CBLN2: variants seen among roughly 807,000 people sequenced by gnomAD.
CBLN2 encodes the protein cerebellin 2 precursor.
A neutral mutation model predicts 15.0 loss-of-function variants in CBLN2; 7 were observed. The ratio of observed to expected loss-of-function variants is 0.47; its 90% confidence interval spans 0.27 to 0.88. The LOEUF (loss-of-function observed/expected upper bound fraction) is 0.88. Among genes scored for constraint, CBLN2 ranks in the 40% least tolerant of loss-of-function variants. The pLI is 0.14. For missense variants in CBLN2, 242 were observed against 304.5 expected, an observed-to-expected ratio of 0.79 and a Z score of 1.53; for synonymous variants, 149 against 135.2, an observed-to-expected ratio of 1.10 and a Z score of -0.71.
At chr18:72,611,489 A>G (rs1433306860) in intron 1 of CBLN2, among the ~76,000 whole-genome samples, 5 of 152,186 alleles carry the variant, frequency 3.3e-5, no homozygotes, top group African/African-American at 1.2e-4. Context: ...CATTTCTGCA[A>G]TGATTAGTGA....
chr18:72,635,598 T>A (rs1476046042), intron 1 of CBLN2, among the ~76,000 whole-genome samples: 1 of 152,180 alleles, frequency 6.6e-6, no homozygotes, highest in East Asian at 1.9e-4. Flanking sequence ...AACATTAACC[T>A]TTTAAGAAAA....
At chr18:72,628,429 A>G (rs1386061765) in intron 1 of CBLN2, among the ~76,000 whole-genome samples, 2 of 152,234 alleles carry the variant, frequency 1.3e-5, no homozygotes, top group Non-Finnish European at 2.9e-5. Flanking sequence ...CTGAGCTGTC[A>G]TTCAGGACCA....
intron 1 of CBLN2, among the ~76,000 whole-genome samples, chr18:72,562,060 T>C (rs1443014410): frequency 6.6e-6 from 1 of 152,220 alleles, no homozygotes; most frequent in African/African-American, 2.4e-5. Context: ...AATTTATTGT[T>C]TTATGTGTCT....
intron 1 of CBLN2, among the ~76,000 whole-genome samples, chr18:72,556,438 G>A (rs1423668278): frequency 6.6e-6 from 1 of 152,044 alleles, no homozygotes; most frequent in African/African-American, 2.4e-5. Context: ...ACTATTATCT[G>A]AAAGAAAGAG....
chr18:72,634,248 A>C (rs1202025833), intron 1 of CBLN2, among the ~76,000 whole-genome samples: 1 of 152,080 alleles, frequency 6.6e-6, no homozygotes, highest in African/African-American at 2.4e-5. Flanking sequence ...TTCTGTAAAC[A>C]GTAAGTTTGT....
intron 1 of CBLN2, among the ~76,000 whole-genome samples, chr18:72,637,549 C>T (rs1015083489): frequency 6.6e-6 from 1 of 152,188 alleles, no homozygotes; most frequent in East Asian, 1.9e-4. Context: ...GAACAGCTAC[C>T]GTGACAGGAA....
chr18:72,591,029 C>T (rs990175138), intron 1 of CBLN2, among the ~76,000 whole-genome samples: 1 of 152,154 alleles, frequency 6.6e-6, no homozygotes, highest in African/African-American at 2.4e-5. Flanking sequence ...TTCATATATT[C>T]AGCCCATCTC....
At chr18:72,618,259 C>A in intron 1 of CBLN2, 1 of 314,018 alleles carries the variant, frequency 3.2e-6, no homozygotes, top group East Asian at 6.3e-5. Flanking sequence ...TCTCTTTCCC[C>A]TGCTGTCATG....
chr18:72,548,891 G>A (rs1349470492), upstream of CBLN2, among the ~76,000 whole-genome samples: 1 of 152,066 alleles, frequency 6.6e-6, no homozygotes, highest in Non-Finnish European at 1.5e-5. Flanking sequence ...TTGAGGAAGG[G>A]GATCCAAACT....
At chr18:72,541,066 T>C (rs1471839642) in intron 3 of CBLN2, among the ~76,000 whole-genome samples, 1 of 152,236 alleles carries the variant, frequency 6.6e-6, no homozygotes, top group East Asian at 1.9e-4. Context: ...GGCCTGATCA[T>C]ATCTCTGAAC....
At chr18:72,590,143 T>C (rs1035785004) in intron 1 of CBLN2, among the ~76,000 whole-genome samples, 1 of 152,176 alleles carries the variant, frequency 6.6e-6, no homozygotes, top group Non-Finnish European at 1.5e-5. Context: ...CGGGCACCTG[T>C]AGTCCCAGCT....
At chr18:72,599,126 A>G (rs969888785) in intron 1 of CBLN2, among the ~76,000 whole-genome samples, 1 of 152,164 alleles carries the variant, frequency 6.6e-6, no homozygotes, top group Non-Finnish European at 1.5e-5. Context: ...CTATTTGGCC[A>G]TGGTGCTCCA....
At chr18:72,550,553 A>G (rs1318085167) in intron 1 of CBLN2, among the ~76,000 whole-genome samples, 1 of 152,240 alleles carries the variant, frequency 6.6e-6, no homozygotes, top group African/African-American at 2.4e-5. Context: ...CACTTTCATT[A>G]GTGAAATGAT....
At position 72,543,816 on chromosome 18, in the gene CBLN2, G is replaced by A. The variant is rs1161836223; in HGVS notation, c.-212+161C>T. Among the ~76,000 whole-genome samples the A allele has an allele frequency of 6.6e-6, 1 of 151,778 alleles. No individual in the cohort carries two copies. ...GCTGCCTGGGGCCCCTCGAGCTCCCGCGCTCAGCGCGTCCGCAGCGCGGCT... is the reference window on the plus strand; with the variant it reads ...GCTGCCTGGGGCCCCTCGAGCTCCCACGCTCAGCGCGTCCGCAGCGCGGCT... On this transcript the variant is annotated intron_variant, in intron 1 of 4. Coordinates refer to ENST00000269503, the MANE Select transcript of CBLN2 (RefSeq NM_182511.4). This position sits in a 1 kb window ranked among gnomAD's most constrained non-coding sequence, Gnocchi z 6.8.
At chr18:72,614,194 C>T (rs1290588252) in intron 1 of CBLN2, among the ~76,000 whole-genome samples, 1 of 152,106 alleles carries the variant, frequency 6.6e-6, no homozygotes, top group Non-Finnish European at 1.5e-5. Flanking sequence ...GGAGCAACAA[C>T]TTTATAAACA....
At chr18:72,613,509 T>G (rs2069637695) in intron 1 of CBLN2, among the ~76,000 whole-genome samples, 1 of 102,334 alleles carries the variant, frequency 9.8e-6, no homozygotes, top group African/African-American at 2.7e-5. Flanking sequence ...AAGATTAACC[T>G]GCAATTCCAT....
At chr18:72,556,210 C>T (rs1000688725) in intron 1 of CBLN2, among the ~76,000 whole-genome samples, 1 of 152,078 alleles carries the variant, frequency 6.6e-6, no homozygotes, top group African/African-American at 2.4e-5. Flanking sequence ...TCTTTTTAAC[C>T]AGCGAATAAA....
At position 72,543,078 on chromosome 18, in the gene CBLN2, G is replaced by A. The variant is rs2069130467; in HGVS notation, c.-167+408C>T. On this transcript the variant is annotated intron_variant, in intron 2 of 4. Coordinates refer to ENST00000269503, the MANE Select transcript of CBLN2 (RefSeq NM_182511.4). This position sits in a 1 kb window ranked among gnomAD's most constrained non-coding sequence, Gnocchi z 6.8. ...ACCGATTCCAACGACGGAATCCCAGGCTTGGGTTATTCTCCAGCTCTGGTT... is the reference window on the plus strand; with the variant it reads ...ACCGATTCCAACGACGGAATCCCAGACTTGGGTTATTCTCCAGCTCTGGTT... 6.0e-6 allele frequency: 1 copy of A among 165,522 alleles called. No individual in the cohort carries two copies. The highest frequency in any genetic ancestry group is 1.3e-5 in the Non-Finnish European group (1 of 76,994). 10.3% of individuals were successfully genotyped at this position (165,522 alleles called of 1,614,324 possible).
At chr18:72,579,989 A>G (rs189901422) in intron 1 of CBLN2, among the ~76,000 whole-genome samples, 2 of 152,188 alleles carry the variant, frequency 1.3e-5, no homozygotes, top group Admixed American at 6.5e-5. Context: ...AAATAGATCA[A>G]TAATTAACAC....
Sources: allele counts gnomAD v4.1 joint callset (sites outside exome capture counted in the v4.1 genomes callset), GRCh38; gene constraint gnomAD v4.1.1; non-coding constraint Gnocchi (gnomAD v3.1); transcripts MANE v1.5; gene names NCBI Gene and HGNC (gene_info 2026-07-23, HGNC 2026-07-21).